CNTNAP5: variants seen among roughly 807,000 people sequenced by gnomAD.
CNTNAP5 encodes contactin associated protein family member 5.
A neutral mutation model predicts 150.2 loss-of-function variants in CNTNAP5; 72 were observed. The ratio of observed to expected loss-of-function variants is 0.48; its 90% confidence interval spans 0.40 to 0.58. The LOEUF (loss-of-function observed/expected upper bound fraction) is 0.58. Ranked by LOEUF, CNTNAP5 falls within the 20% of genes least tolerant of loss-of-function variation. CNTNAP5 has a pLI of 0.00. For synonymous variants in CNTNAP5, 672 were observed against 619.8 expected (o/e 1.08, Z -1.25); for missense variants, 1,636 against 1,626.2 (o/e 1.01, Z -0.10).
At chr2:124,426,943 T>C (rs1692252620) in intron 4 of CNTNAP5, among the ~76,000 whole-genome samples, 1 of 152,198 alleles carries the variant, frequency 6.6e-6, no homozygotes, top group African/African-American at 2.4e-5. Context: ...CCTGCCTTCA[T>C]TCTAAGGACT....
At chr2:124,616,625 C>G (rs913874531) in intron 12 of CNTNAP5, among the ~76,000 whole-genome samples, 2 of 152,206 alleles carry the variant, frequency 1.3e-5, no homozygotes, top group Non-Finnish European at 1.5e-5. Context: ...ACTTGGCTAA[C>G]TTGCACAAGA....
At chr2:124,694,084 T>C (rs144401265) in intron 13 of CNTNAP5, among the ~76,000 whole-genome samples, 1 of 152,136 alleles carries the variant, frequency 6.6e-6, no homozygotes, top group African/African-American at 2.4e-5. Flanking sequence ...CATTGCTGAG[T>C]TGGCACAGCT....
intron 17 of CNTNAP5, among the ~76,000 whole-genome samples, chr2:124,789,574 G>A (rs556073717): frequency 6.6e-6 from 1 of 152,058 alleles, no homozygotes; most frequent in Non-Finnish European, 1.5e-5. Flanking sequence ...CCCTCAAGTA[G>A]GACCCAGTGT....
At chr2:124,415,483 CAAGGTT>C (rs1210004454) in intron 3 of CNTNAP5, among the ~76,000 whole-genome samples, 1 of 152,118 alleles carries the variant, frequency 6.6e-6, no homozygotes, top group South Asian at 2.1e-4. Context: ...AAAATATAAT[CAAGGTT>C]AAGGTTAAGG....
intron 19 of CNTNAP5, among the ~76,000 whole-genome samples, chr2:124,848,629 G>A (rs904902491): frequency 1.3e-5 from 2 of 152,100 alleles, no homozygotes; most frequent in African/African-American, 2.4e-5. Context: ...AGTGTACAAG[G>A]GTTCGCTTTT....
intron 1 of CNTNAP5, among the ~76,000 whole-genome samples, chr2:124,099,654 T>C (rs998036562): frequency 2.0e-5 from 3 of 152,208 alleles, no homozygotes; most frequent in South Asian, 4.1e-4. Context: ...GAGGTTTGAT[T>C]GGCTCACAGT....
At chr2:124,445,134 G>C (rs1003935330) in intron 5 of CNTNAP5, among the ~76,000 whole-genome samples, 1 of 149,766 alleles carries the variant, frequency 6.7e-6, no homozygotes, top group Non-Finnish European at 1.5e-5. Context: ...GCCTGGCCCA[G>C]GCTGGAGTGC....
At chr2:124,811,713 G>GGGGT (rs1553445060) in intron 19 of CNTNAP5, among the ~76,000 whole-genome samples, 1 of 149,884 alleles carries the variant, frequency 6.7e-6, no homozygotes, top group Admixed American at 6.7e-5. Context: ...AGGCGGGGGG[G>GGGGT]GTGGATCACC....
intron 3 of CNTNAP5, among the ~76,000 whole-genome samples, chr2:124,380,229 C>T (rs1690753371): frequency 6.6e-6 from 1 of 151,950 alleles, no homozygotes; most frequent in Admixed American, 6.6e-5. Flanking sequence ...TGTACACCAT[C>T]CCATTTATTT....
Position 124,025,634 on chromosome 2 carries a change from C to A in CNTNAP5, c.-17C>A. ...GAATTTGGGATTCGATTGGGAGGGA[C>A]CGCTCACTCGGGGGAAATGGATTCT... On this transcript the variant is annotated 5_prime_UTR_variant, in exon 1 of 24. Coordinates refer to ENST00000682447, the MANE Select transcript of CNTNAP5 (RefSeq NM_001367498.1). 1 of 1,613,170 alleles carries A rather than the reference C, an allele frequency of 6.2e-7. No homozygotes were observed. Among genetic ancestry groups the A allele is most frequent in the Non-Finnish European group, 8.5e-7 (1 of 1,179,314 alleles).
At chr2:124,591,600 G>A (rs181364034) in intron 11 of CNTNAP5, among the ~76,000 whole-genome samples, 34 of 152,174 alleles carry the variant, frequency 2.2e-4, no homozygotes, top group Middle Eastern at 3.4e-3. Flanking sequence ...ATATTACACC[G>A]ATATGTCACC....
At chr2:124,644,193 A>C (rs1678154774) in intron 12 of CNTNAP5, among the ~76,000 whole-genome samples, 1 of 152,228 alleles carries the variant, frequency 6.6e-6, no homozygotes, top group Non-Finnish European at 1.5e-5. Flanking sequence ...AATCATTCAA[A>C]GATGACTGTC....
chr2:124,438,321 C>T (rs1039637206), intron 5 of CNTNAP5, among the ~76,000 whole-genome samples: 1 of 152,224 alleles, frequency 6.6e-6, no homozygotes, highest in Non-Finnish European at 1.5e-5. Flanking sequence ...GGCAGTCTGC[C>T]CTCTGCCGAA....
chr2:124,192,560 T>C (rs980147756), intron 1 of CNTNAP5, among the ~76,000 whole-genome samples: 5 of 152,148 alleles, frequency 3.3e-5, no homozygotes, highest in Non-Finnish European at 7.3e-5. Flanking sequence ...CTAATAGGCA[T>C]ATCAGAATCA....
chr2:124,631,381 A>G (rs1677857297), intron 12 of CNTNAP5, among the ~76,000 whole-genome samples: 1 of 152,240 alleles, frequency 6.6e-6, no homozygotes, highest in Admixed American at 6.5e-5. Context: ...ACAGGCATAT[A>G]GACCAATGGA....
At chr2:124,772,048 A>G (rs887273225) in intron 16 of CNTNAP5, among the ~76,000 whole-genome samples, 4 of 151,240 alleles carry the variant, frequency 2.6e-5, no homozygotes, top group Non-Finnish European at 5.9e-5. Flanking sequence ...CAGCACCACC[A>G]TCACCATCAG....
At chr2:124,316,499 G>T (rs566190454) in intron 3 of CNTNAP5, among the ~76,000 whole-genome samples, 1 of 152,050 alleles carries the variant, frequency 6.6e-6, no homozygotes, top group Non-Finnish European at 1.5e-5. Context: ...TGTGATATCT[G>T]CAGTGTGCTA....
chr2:124,062,929 G>A (rs1166050451), intron 1 of CNTNAP5, among the ~76,000 whole-genome samples: 1 of 152,212 alleles, frequency 6.6e-6, no homozygotes, highest in East Asian at 1.9e-4. Flanking sequence ...GTCTGGGAGA[G>A]TATATCACAT....
At chr2:124,363,987 T>C (rs79120167) in intron 3 of CNTNAP5, among the ~76,000 whole-genome samples, 10,635 of 152,236 alleles carry the variant, frequency 0.07, 468 homozygotes, top group East Asian at 0.21. Context: ...CCTTGGAGAC[T>C]ATTGTCACTT....
Sources: allele counts gnomAD v4.1 joint callset (sites outside exome capture counted in the v4.1 genomes callset), GRCh38; gene constraint gnomAD v4.1.1; transcripts MANE v1.5; gene names NCBI Gene and HGNC (gene_info 2026-07-23, HGNC 2026-07-21).